MAP4K4: variants seen among roughly 807,000 people sequenced by gnomAD.
MAP4K4 encodes the protein mitogen-activated protein kinase kinase kinase kinase 4.
Under a neutral mutation model 189.6 loss-of-function variants are expected in MAP4K4, and 38 were observed. The observed-to-expected ratio is 0.20, with a 90% CI of 0.15 to 0.26. MAP4K4 has a LOEUF of 0.26. Among genes scored for constraint, MAP4K4 ranks in the 10% least tolerant of loss-of-function variants. MAP4K4 has a pLI of 1.00. For synonymous variants in MAP4K4, 610 were observed against 624.3 expected, an observed-to-expected ratio of 0.98 and a Z score of 0.34; for missense variants, 1,054 against 1,726.9, an observed-to-expected ratio of 0.61 and a Z score of 6.91.
intron 3 of MAP4K4, among the ~76,000 whole-genome samples, chr2:101,816,268 G>T (rs749222596): frequency 3.9e-5 from 6 of 152,110 alleles, no homozygotes; most frequent in Non-Finnish European, 7.4e-5. Context: ...CTTTATTTTG[G>T]CCAGGAGCCA....
At chr2:101,851,661 TC>T (rs1284231902) in intron 12 of MAP4K4, among the ~76,000 whole-genome samples, 2 of 150,992 alleles carry the variant, frequency 1.3e-5, no homozygotes, top group African/African-American at 2.4e-5. Flanking sequence ...ATTCTTGCTC[TC>T]GATCTAGTTT....
intron 2 of MAP4K4, among the ~76,000 whole-genome samples, chr2:101,711,310 CTTTTT>C (rs148652852): frequency 1.8e-4 from 26 of 147,880 alleles, no homozygotes; most frequent in Non-Finnish European, 3.6e-4. Flanking sequence ...AGTTTTTTTG[CTTTTT>C]TTTTTAAGAC....
In MAP4K4 at chr2:101,702,239, G is replaced by A. The variant is rs117389394; in HGVS notation, c.123+3701G>A. Among the ~76,000 whole-genome samples the A allele has an allele frequency of 6.9e-3, 1,045 of 152,254 alleles. 48 individuals carry two copies. In the East Asian group the frequency reaches 0.12, roughly 18 times the overall value. On this transcript the variant is annotated intron_variant, in intron 2 of 32. Transcript: ENST00000324219. ...ACTACTGTTATTTTGCATTTTGTGA[G>A]CATGTGATGGCTGGTGTTCCAAATG...
intron 5 of MAP4K4, 75 bp downstream of exon 5, chr2:101,825,504 A>G: frequency 1.1e-6 from 1 of 873,084 alleles, no homozygotes. Context: ...AGCCCCAAGT[A>G]CTTCTTTGCA....
intron 2 of MAP4K4, 71 bp downstream of exon 2, chr2:101,698,609 A>G: frequency 1.4e-6 from 2 of 1,454,958 alleles, no homozygotes; most frequent in South Asian, 2.3e-5. Flanking sequence ...GGAGAGGGTG[A>G]TAAACATGCT....
exon 24 of MAP4K4, chr2:101,871,549 G>C: frequency 6.5e-7 from 1 of 1,536,100 alleles, no homozygotes; most frequent in Non-Finnish European, 8.7e-7. Context: ...TTTGCCGGTC[G>C]CATTCACCTC....
intron 2 of MAP4K4, among the ~76,000 whole-genome samples, chr2:101,768,977 A>G (rs2080000597): frequency 2.0e-5 from 3 of 152,206 alleles, no homozygotes; most frequent in African/African-American, 7.2e-5. Context: ...TTTAGTTTAT[A>G]AAGCTAAAAG....
At chr2:101,821,672 T>A (rs1395022309) in intron 3 of MAP4K4, among the ~76,000 whole-genome samples, 1 of 152,240 alleles carries the variant, frequency 6.6e-6, no homozygotes, top group African/African-American at 2.4e-5. Context: ...TACTGTACAC[T>A]TCTGTATTCT....
intron 27 of MAP4K4, among the ~76,000 whole-genome samples, chr2:101,882,313 G>C (rs542536205): frequency 2.6e-5 from 4 of 152,172 alleles, no homozygotes; most frequent in Non-Finnish European, 5.9e-5. Flanking sequence ...ATAGTGGCAC[G>C]TCCAGTTTTT....
In MAP4K4 at chr2:101,868,044, G is replaced by A. The variant is rs778848484; in HGVS notation, c.2463+7G>A. 3.1e-6 allele frequency: 5 copies of A among 1,611,704 alleles called. No homozygotes were observed. The highest frequency in any genetic ancestry group is 1.7e-5 in the Admixed American group (1 of 59,824). On this transcript the variant is annotated splice_region_variant and intron_variant, in intron 21 of 32. Transcript: ENST00000324219. ...TGTACTGAAGGGCGAAGTGGTAAGCGCCATCTCTGAAAAGTTCCACTTCAG... is the reference window on the plus strand; with the variant it reads ...TGTACTGAAGGGCGAAGTGGTAAGCACCATCTCTGAAAAGTTCCACTTCAG...
intron 18 of MAP4K4, among the ~76,000 whole-genome samples, chr2:101,866,095 CG>C (rs1184516945): frequency 2.0e-5 from 3 of 152,144 alleles, no homozygotes; most frequent in Admixed American, 6.5e-5. Flanking sequence ...TATACAAATA[CG>C]GAGTGTTTTC....
Position 101,832,853 on chromosome 2 carries a change from G to A in MAP4K4, c.639+1002G>A, listed in dbSNP as rs977427321. Among the ~76,000 whole-genome samples, 4 of 147,724 alleles carry A rather than the reference G, an allele frequency of 2.7e-5. No homozygotes were observed. The South Asian group carries it at 8.5e-4, about 32-fold the overall frequency. ...ACTTTCTGAAGAGCCTGGGCCTGTT[G>A]TCTAATGTTCTACCCTCTAGATTTG... On this transcript the variant is annotated intron_variant, in intron 7 of 32. Transcript: ENST00000324219.
At chr2:101,869,972 T>G in intron 22 of MAP4K4, 175 bp downstream of exon 22, 1 of 790,712 alleles carries the variant, frequency 1.3e-6, no homozygotes, top group South Asian at 1.9e-5. Context: ...GGTGTGTGCA[T>G]ATGTCAGTGC....
intron 2 of MAP4K4, among the ~76,000 whole-genome samples, chr2:101,777,329 G>A (rs750270804): frequency 3.3e-5 from 5 of 152,362 alleles, no homozygotes; most frequent in Non-Finnish European, 7.3e-5. Flanking sequence ...AGCAGTGGGT[G>A]TGCTTTGGGC....
At chr2:101,884,617 A>G (rs1387498892) in intron 28 of MAP4K4, among the ~76,000 whole-genome samples, 2 of 152,194 alleles carry the variant, frequency 1.3e-5, no homozygotes. Flanking sequence ...GCCTGGCAGT[A>G]AGGGCACCAA....
chr2:101,703,762 C>T (rs549439336), intron 2 of MAP4K4, among the ~76,000 whole-genome samples: 110 of 151,724 alleles, frequency 7.3e-4, no homozygotes, highest in Admixed American at 2.1e-3. Context: ...ACCTGTAATC[C>T]CAGCATTTTG....
chr2:101,879,103 G>A (rs1206808656), intron 27 of MAP4K4, among the ~76,000 whole-genome samples: 1 of 150,868 alleles, frequency 6.6e-6, no homozygotes, highest in Admixed American at 6.6e-5. Flanking sequence ...GCCAAGGCAG[G>A]AGGATTGCTT....
intron 3 of MAP4K4, among the ~76,000 whole-genome samples, chr2:101,801,015 A>G (rs1287901713): frequency 1.7e-5 from 2 of 119,036 alleles, no homozygotes; most frequent in Admixed American, 9.3e-5. Flanking sequence ...CAAATTTTGT[A>G]TAATCTAAAT....
At chr2:101,863,994 G>A (rs763083141) in exon 17 of MAP4K4, 49 of 1,367,576 alleles carry the variant, frequency 3.6e-5, no homozygotes, top group Admixed American at 2.1e-4. Flanking sequence ...AGTCAGAGGC[G>A]CCTGACCCTA....
Sources: allele counts gnomAD v4.1 joint callset (sites outside exome capture counted in the v4.1 genomes callset), GRCh38; gene constraint gnomAD v4.1.1; transcripts MANE v1.5; gene names NCBI Gene and HGNC (gene_info 2026-07-23, HGNC 2026-07-21).